The following ABCC8 variants were observed in gnomAD, a reference collection of about 807,000 sequenced individuals.
ABCC8 encodes the protein ATP binding cassette subfamily C member 8, also known as ATP-binding cassette sub-family C member 8.
A neutral mutation model predicts 188.0 loss-of-function variants in ABCC8; 137 were observed. The observed-to-expected ratio is 0.73, with a 90% CI of 0.63 to 0.84. The LOEUF is 0.84. ABCC8 is among the 40% of genes least tolerant of loss of function. The pLI is 0.00. For synonymous variants in ABCC8, 797 were observed against 846.5 expected (o/e 0.94, Z 1.01); for missense variants, 1,750 against 2,072.7 (o/e 0.84, Z 3.02).
At chr11:17,455,618 C>G (rs1206652990) in intron 6 of ABCC8, among the ~76,000 whole-genome samples, 1 of 151,984 alleles carries the variant, frequency 6.6e-6, no homozygotes, top group Non-Finnish European at 1.5e-5. Context: ...AGGGATAGAA[C>G]CTGGAATAGC....
intron 21 of ABCC8, 124 bp downstream of exon 21, chr11:17,412,542 C>T: frequency 7.4e-7 from 1 of 1,347,592 alleles, no homozygotes; most frequent in South Asian, 1.3e-5. Context: ...ATATCTCTGG[C>T]AGGAGGGATT....
chr11:17,426,897 GTGA>G (rs2133530654), intron 16 of ABCC8, 149 bp downstream of exon 16: 5 of 832,790 alleles, frequency 6.0e-6, no homozygotes, highest in Non-Finnish European at 9.1e-6. Context: ...ATACGTACTA[GTGA>G]TGATGATGAG....
rs1443529842 is a variant in ABCC8 at position 17,470,268 on chromosome 11, C to T, written c.291-46G>A. ...AGACAGGATGGGGACATGCTAAGTACTGCAATAGAGCAGCCCAGGCCTTGA... is the reference window on the plus strand; with the variant it reads ...AGACAGGATGGGGACATGCTAAGTATTGCAATAGAGCAGCCCAGGCCTTGA... On this transcript the variant is annotated intron_variant, in intron 2 of 38. Coordinates refer to ENST00000389817, the MANE Select transcript of ABCC8 (RefSeq NM_000352.6). 4 of 1,612,684 alleles carry T rather than the reference C, an allele frequency of 2.5e-6. 1 individual carries two copies. In the African/African-American group the frequency reaches 5.3e-5, roughly 22 times the overall value.
intron 6 of ABCC8, 73 bp from the exon 7 acceptor site, chr11:17,453,356 C>A: frequency 6.3e-7 from 1 of 1,587,428 alleles, no homozygotes; most frequent in East Asian, 2.3e-5. Context: ...ATCACTGTGC[C>A]ATAATGGACC....
At chr11:17,462,682 C>A (rs1174435915) in intron 4 of ABCC8, among the ~76,000 whole-genome samples, 2 of 152,200 alleles carry the variant, frequency 1.3e-5, no homozygotes, top group African/African-American at 4.8e-5. Context: ...CACATTATGG[C>A]TCATCCATAC....
intron 1 of ABCC8, among the ~76,000 whole-genome samples, chr11:17,475,440 T>C (rs112642901): frequency 0.033 from 5,001 of 152,132 alleles, 229 homozygotes; most frequent in African/African-American, 0.1. Flanking sequence ...CCCAGGCTGG[T>C]CTCGAACTCC....
intron 37 of ABCC8, 108 bp from the exon 38 acceptor site, chr11:17,393,867 C>A: frequency 2.5e-6 from 4 of 1,605,950 alleles, no homozygotes; most frequent in South Asian, 1.1e-5. Context: ...CATCTGACCC[C>A]GATCCTAGTC....
In ABCC8 at chr11:17,395,671, T is replaced by C; in HGVS notation, c.4246A>G (p.Thr1416Ala). 6.4e-7 allele frequency: 1 copy of C among 1,560,074 alleles called. No homozygotes were observed. ...GIDIAKLPLH[T>A]LRSRLSIILQ... is the part of the protein sequence containing the mutation. ...ATGATGGAGAGGCGTGAGCGCAGGG[T>C]GTGCAGCGGCAGTTTGGCGATGTCA... Residue 1416 changes from threonine to alanine, a missense_variant, in exon 35 of 39, where the codon ACC becomes GCC. Transcript: ENST00000389817.
chr11:17,434,364 A>G (rs1591812866), intron 10 of ABCC8, among the ~76,000 whole-genome samples: 2 of 152,370 alleles, frequency 1.3e-5, no homozygotes, highest in East Asian at 3.9e-4. Context: ...CTTTGTAGCT[A>G]GAGCCACACA....
chr11:17,471,898 AG>A (rs1848503419), intron 2 of ABCC8, among the ~76,000 whole-genome samples: 1 of 152,232 alleles, frequency 6.6e-6, no homozygotes. Context: ...TCTCCAAAAA[AG>A]GTCTTCAAAC....
At chr11:17,428,070 G>C in intron 14 of ABCC8, 128 bp from the exon 15 acceptor site, 2 of 1,588,854 alleles carry the variant, frequency 1.3e-6, no homozygotes. Context: ...ATCACTTCCA[G>C]AGCAGGGGAG....
Position 17,428,271 on chromosome 11 carries a change from T to C in ABCC8, c.2040+18A>G. On this transcript the variant is annotated intron_variant, in intron 14 of 38. Coordinates refer to ENST00000389817, the MANE Select transcript of ABCC8 (RefSeq NM_000352.6). Reference sequence around the variant, plus strand: ...GGAGTTGGTGCTGGGTGGCCAGGCATGGGGCAGCAGGACTCACCTGGACAC... The same window carrying C: ...GGAGTTGGTGCTGGGTGGCCAGGCACGGGGCAGCAGGACTCACCTGGACAC... The C allele has an allele frequency of 2.5e-6, 4 of 1,614,030 alleles. No homozygotes were observed. The highest frequency in any genetic ancestry group is 3.4e-6 in the Non-Finnish European group (4 of 1,180,034).
intron 8 of ABCC8, among the ~76,000 whole-genome samples, chr11:17,445,118 G>A (rs1956473122): frequency 6.6e-6 from 1 of 152,196 alleles, no homozygotes; most frequent in South Asian, 2.1e-4. Flanking sequence ...CCCTCTCTGG[G>A]CCTCTGATAC....
At position 17,397,431 on chromosome 11, in the gene ABCC8, A is replaced by T. The variant is rs192035672; in HGVS notation, c.3868-118T>A. 235 of 1,554,184 alleles carry T rather than the reference A, an allele frequency of 1.5e-4. 1 individual carries two copies. The African/African-American group carries it at 2.9e-3, about 19-fold the overall frequency. ...AGGGCCCCAGATTCCTTTTGCTGCCATCCACTGCCTGCTCAGAGCAGCCCT... is the reference window on the plus strand; with the variant it reads ...AGGGCCCCAGATTCCTTTTGCTGCCTTCCACTGCCTGCTCAGAGCAGCCCT... On this transcript the variant is annotated intron_variant, in intron 31 of 38. Transcript: ENST00000389817.
chr11:17,457,779 G>A (rs11024292), intron 6 of ABCC8, among the ~76,000 whole-genome samples: 10,619 of 152,246 alleles, frequency 0.07, 1,270 homozygotes, highest in African/African-American at 0.24. Context: ...TACCAAGGAT[G>A]ACATGTTTCT....
chr11:17,443,742 GA>G (rs1300965635), intron 8 of ABCC8, among the ~76,000 whole-genome samples: 1 of 152,196 alleles, frequency 6.6e-6, no homozygotes, highest in Non-Finnish European at 1.5e-5. Context: ...ACCCATGCCA[GA>G]AAAAACCAGC....
chr11:17,398,397 G>C lies in ABCC8; in HGVS notation c.3695C>G (p.Ser1232Cys). The change falls in exon 30 of 39, where the codon TCC becomes TGC. Residue 1232 changes from serine (S) to cysteine (C), a missense_variant. Physicochemically the swap from Ser to Cys is moderately radical, Grantham distance 112. Coordinates refer to ENST00000389817, the MANE Select transcript of ABCC8 (RefSeq NM_000352.6). ...GAGGAAGAGGGAAGCAATGTTGTTG[G>C]AGTCTGTGTATTCGAGAAGCTTCTG... Reference protein sequence around the residue: ...FQQKLLEYTDSNNIASLFLTA... With the variant: ...FQQKLLEYTDCNNIASLFLTA... 2 of 1,614,130 alleles carry C rather than the reference G, an allele frequency of 1.2e-6. No individual in the cohort carries two copies. Among genetic ancestry groups the C allele is most frequent in the Non-Finnish European group, 1.7e-6 (2 of 1,179,998 alleles).
At chr11:17,447,414 A>G (rs1440249389) in intron 8 of ABCC8, among the ~76,000 whole-genome samples, 1 of 152,046 alleles carries the variant, frequency 6.6e-6, no homozygotes. Context: ...AAAAAATACC[A>G]TGTTTTAACG....
chr11:17,409,146 G>T (rs1954688345), intron 22 of ABCC8, among the ~76,000 whole-genome samples: 1 of 150,912 alleles, frequency 6.6e-6, no homozygotes, highest in Non-Finnish European at 1.5e-5. Context: ...TATAGAGATA[G>T]GGTTTCACCA....
Sources: allele counts gnomAD v4.1 joint callset (sites outside exome capture counted in the v4.1 genomes callset), GRCh38; gene constraint gnomAD v4.1.1; transcripts MANE v1.5; gene names NCBI Gene and HGNC (gene_info 2026-07-23, HGNC 2026-07-21).